CPLX2: variants seen among roughly 807,000 people sequenced by gnomAD.
The protein encoded by CPLX2 is complexin 2, also known as complexin-2.
Under a neutral mutation model 16.3 loss-of-function variants are expected in CPLX2, and 5 were observed. The observed-to-expected ratio is 0.31, with a 90% CI of 0.16 to 0.64. The LOEUF is 0.64. CPLX2 is among the 30% of genes least tolerant of loss of function. The pLI, the probability that CPLX2 is intolerant of heterozygous loss-of-function variation, is 0.79. For missense variants in CPLX2, 144 were observed against 181.4 expected, an observed-to-expected ratio of 0.79 and a Z score of 1.18; for synonymous variants, 89 against 73.2, an observed-to-expected ratio of 1.22 and a Z score of -1.10.
intron 1 of CPLX2, among the ~76,000 whole-genome samples, chr5:175,799,761 G>A (rs1758059344): frequency 6.6e-6 from 1 of 150,802 alleles, no homozygotes; most frequent in Non-Finnish European, 1.5e-5. Flanking sequence ...TCAAACTCCT[G>A]GGCTCAAGTG....
intron 2 of CPLX2, among the ~76,000 whole-genome samples, chr5:175,817,117 C>G (rs903623762): frequency 1.3e-5 from 2 of 152,218 alleles, no homozygotes; most frequent in African/African-American, 4.8e-5. Flanking sequence ...GGCCCCACTC[C>G]AGGGGGCTCC....
At chr5:175,799,539 C>CATATATATATTTATATTTAT (rs1227041477) in intron 1 of CPLX2, among the ~76,000 whole-genome samples, 7 of 72,262 alleles carry the variant, frequency 9.7e-5, no homozygotes, top group African/African-American at 2.8e-4. Flanking sequence ...TTGCAAATTT[C>CATATATATATTTATATTTAT]ATATATATAT....
intron 1 of CPLX2, 180 bp from the exon 2 acceptor site, chr5:175,878,472 C>T (rs1352896370): frequency 5.3e-6 from 3 of 567,320 alleles, no homozygotes; most frequent in Non-Finnish European, 9.4e-6. Context: ...GCAGCACCTA[C>T]GTGTCTGCCC....
At chr5:175,821,575 T>C (rs1168807398) in intron 2 of CPLX2, among the ~76,000 whole-genome samples, 1 of 151,906 alleles carries the variant, frequency 6.6e-6, no homozygotes, top group Non-Finnish European at 1.5e-5. Context: ...GCCCGGCTAA[T>C]TTTTGTATTT....
upstream of CPLX2, among the ~76,000 whole-genome samples, chr5:175,867,828 C>T (rs1759507367): frequency 6.6e-6 from 1 of 152,210 alleles, no homozygotes; most frequent in Non-Finnish European, 1.5e-5. Flanking sequence ...CACCATTGCA[C>T]ACTTATGGGT....
rs1438978605 is a variant in CPLX2, at chr5:175,880,436, C to T, written c.*391C>T. On this transcript the variant is annotated 3_prime_UTR_variant, in exon 4 of 4. Transcript: ENST00000393745. ...CCCTGCCCAGCATGCTGACCTTTGG[C>T]CTCTAACCCTCAGTGGGCCCCCAGG... The T allele has an allele frequency of 3.1e-6, 1 of 323,562 alleles. No individual in the cohort carries two copies. Among genetic ancestry groups the T allele is most frequent in the Non-Finnish European group, 6.0e-6 (1 of 165,938 alleles). 20.0% of individuals were successfully genotyped at this position (323,562 alleles called of 1,614,324 possible).
chr5:175,804,531 T>C (rs140216334), intron 1 of CPLX2, among the ~76,000 whole-genome samples: 31 of 152,290 alleles, frequency 2.0e-4, no homozygotes, highest in African/African-American at 7.2e-4. Context: ...CCAGAACTAA[T>C]AAAACTTAGT....
chr5:175,830,637 G>T lies in CPLX2; in HGVS notation c.-89+21569G>T, dbSNP rs1460883180. On this transcript the variant is annotated intron_variant, in intron 2 of 4. Coordinates refer to the CPLX2 transcript ENST00000359546. The surrounding 1 kb of genome is among the most constrained non-coding windows in gnomAD (Gnocchi z 4.0). ...TACATAGCTCTGCAGGCAGGCAAGG[G>T]ATGAGCACAATCCAGTCTCTGGAGT... Among the ~76,000 whole-genome samples the T allele has an allele frequency of 6.6e-6, 1 of 152,252 alleles. No individual in the cohort carries two copies. Among genetic ancestry groups the T allele is most frequent in the East Asian group, 1.9e-4 (1 of 5,198 alleles).
intron 2 of CPLX2, among the ~76,000 whole-genome samples, chr5:175,847,732 T>C (rs1759074910): frequency 6.6e-6 from 1 of 152,174 alleles, no homozygotes; most frequent in African/African-American, 2.4e-5. Flanking sequence ...CAGGCTCCAC[T>C]ACATGGTGCC....
chr5:175,862,881 G>T (rs951242094), intron 2 of CPLX2, among the ~76,000 whole-genome samples: 2 of 152,158 alleles, frequency 1.3e-5, no homozygotes, highest in Non-Finnish European at 2.9e-5. Flanking sequence ...AAATACACAG[G>T]TGGGCTCCTC....
Position 175,878,728 on chromosome 5 carries a change from A to G in CPLX2, c.-12A>G, listed in dbSNP as rs549555179. On this transcript the variant is annotated 5_prime_UTR_variant, in exon 2 of 4. Transcript: ENST00000393745. ...TGCCGTGGGCTAAGGCACGCTAACC[A>G]GAGCCGGCGGCATGGACTTCGTCAT... 4 of 1,613,144 alleles carry G rather than the reference A, an allele frequency of 2.5e-6. No homozygotes were observed. The highest frequency in any genetic ancestry group is 3.4e-6 in the Non-Finnish European group (4 of 1,179,778).
intron 1 of CPLX2, among the ~76,000 whole-genome samples, chr5:175,873,982 C>T (rs566476031): frequency 2.8e-4 from 43 of 152,320 alleles, no homozygotes; most frequent in African/African-American, 7.5e-4. Context: ...GGAAATAATA[C>T]GTGCTAAGCA....
intron 2 of CPLX2, among the ~76,000 whole-genome samples, chr5:175,840,525 T>A (rs1333508010): frequency 1.3e-5 from 2 of 152,218 alleles, no homozygotes; most frequent in Non-Finnish European, 2.9e-5. Flanking sequence ...TAAAAGTCGG[T>A]GTATCCCATT....
chr5:175,867,748 C>T (rs1375132073), upstream of CPLX2, among the ~76,000 whole-genome samples: 1 of 152,074 alleles, frequency 6.6e-6, no homozygotes, highest in Non-Finnish European at 1.5e-5. Context: ...ACACACAGCG[C>T]CTGTGTCACT....
At chr5:175,831,150 G>T (rs1490717606) in intron 2 of CPLX2, among the ~76,000 whole-genome samples, 2 of 152,132 alleles carry the variant, frequency 1.3e-5, no homozygotes, top group African/African-American at 4.8e-5. Context: ...GTTCCTGTGT[G>T]CATGTGTGTG....
intron 2 of CPLX2, among the ~76,000 whole-genome samples, chr5:175,853,339 G>A (rs1334713943): frequency 3.9e-5 from 6 of 152,196 alleles, no homozygotes; most frequent in Non-Finnish European, 5.9e-5. Flanking sequence ...CTCACACGGT[G>A]CCCCTGGAAA....
At chr5:175,837,072 C>T (rs1374747903) in intron 2 of CPLX2, among the ~76,000 whole-genome samples, 1 of 152,206 alleles carries the variant, frequency 6.6e-6, no homozygotes, top group Non-Finnish European at 1.5e-5. Context: ...GGGGCCAAGG[C>T]TTGGTCACCA....
intron 2 of CPLX2, among the ~76,000 whole-genome samples, chr5:175,844,816 T>C (rs780748944): frequency 2.6e-5 from 4 of 152,214 alleles, no homozygotes; most frequent in Non-Finnish European, 5.9e-5. Context: ...GACCAGATGA[T>C]GTAGGACATT....
At chr5:175,875,073 C>T (rs539475301) in intron 1 of CPLX2, among the ~76,000 whole-genome samples, 28 of 152,224 alleles carry the variant, frequency 1.8e-4, no homozygotes, top group Non-Finnish European at 2.6e-4. Context: ...AAGCCTCTGG[C>T]GACTGATTAC....
Sources: gnomAD v4.1 joint callset for allele counts (sites outside exome capture counted in the v4.1 genomes callset) on GRCh38, gnomAD v4.1.1 for gene constraint, Gnocchi (gnomAD v3.1) non-coding constraint, MANE v1.5 for transcripts, NCBI Gene and HGNC (gene_info 2026-07-23, HGNC 2026-07-21) for gene names.